The following ERC2 variants were observed in gnomAD, a reference collection of about 807,000 sequenced individuals.
ERC2 encodes ERC protein 2.
ERC2 carries 42 observed loss-of-function variants against 114.8 expected under a neutral mutation model. That is an observed-to-expected ratio of 0.37 (90% confidence interval 0.29 to 0.47). ERC2 has a LOEUF of 0.47. Ranked by LOEUF, ERC2 falls within the 20% of genes least tolerant of loss-of-function variation. The pLI, the probability that ERC2 is intolerant of heterozygous loss-of-function variation, is 0.99. For missense variants in ERC2, 939 were observed against 1,150.7 expected, an observed-to-expected ratio of 0.82 and a Z score of 2.66; for synonymous variants, 454 against 425.5, an observed-to-expected ratio of 1.07 and a Z score of -0.82.
At chr3:56,425,336 T>C (rs11712094) in intron 2 of ERC2, among the ~76,000 whole-genome samples, 40,027 of 151,958 alleles carry the variant, frequency 0.26, 5,943 homozygotes, top group Middle Eastern at 0.38. Flanking sequence ...GACCTTTCAA[T>C]TGTGACCCTA....
chr3:55,898,705 A>G (rs2063961268), intron 13 of ERC2, among the ~76,000 whole-genome samples: 1 of 152,140 alleles, frequency 6.6e-6, no homozygotes, highest in South Asian at 2.1e-4. Context: ...AGCAAGACAA[A>G]GGGTTGGATT....
intron 13 of ERC2, among the ~76,000 whole-genome samples, chr3:55,943,437 G>A (rs571636054): frequency 1.8e-4 from 27 of 151,950 alleles, no homozygotes; most frequent in African/African-American, 5.1e-4. Context: ...TTCTGGTTCC[G>A]AGTCTTTTGC....
chr3:55,657,593 C>T (rs1422702361), intron 17 of ERC2: 3 of 152,126 alleles, frequency 2.0e-5, no homozygotes, highest in Admixed American at 2.0e-4. Context: ...GTAGCTGGGA[C>T]TACAAGCACA....
chr3:56,090,962 A>G (rs955686448), intron 6 of ERC2, among the ~76,000 whole-genome samples: 2 of 152,158 alleles, frequency 1.3e-5, no homozygotes, highest in African/African-American at 4.8e-5. Context: ...TTTTAGGTCT[A>G]AGGCAGGATG....
intron 7 of ERC2, among the ~76,000 whole-genome samples, chr3:56,068,180 G>C (rs2076568554): frequency 6.6e-6 from 1 of 152,002 alleles, no homozygotes; most frequent in Admixed American, 6.6e-5. Flanking sequence ...GGCTTTTTTT[G>C]GTTGGCGGGC....
chr3:56,307,814 C>T (rs932156307), intron 2 of ERC2, among the ~76,000 whole-genome samples: 108 of 139,678 alleles, frequency 7.7e-4, no homozygotes, highest in Non-Finnish European at 1.3e-3. Flanking sequence ...CATGTATTCA[C>T]TATACACACA....
intron 13 of ERC2, among the ~76,000 whole-genome samples, chr3:55,915,145 C>G (rs571903748): frequency 7.2e-5 from 11 of 152,046 alleles, no homozygotes; most frequent in African/African-American, 2.7e-4. Context: ...TAGTAATTTC[C>G]ATATTTGTCT....
intron 17 of ERC2, among the ~76,000 whole-genome samples, chr3:55,523,892 G>A (rs946315316): frequency 6.6e-6 from 1 of 152,188 alleles, no homozygotes; most frequent in Non-Finnish European, 1.5e-5. Flanking sequence ...TAGATAATTT[G>A]TTGCTGCCAT....
At chr3:56,249,786 C>A (rs1243871280) in intron 3 of ERC2, among the ~76,000 whole-genome samples, 8 of 151,130 alleles carry the variant, frequency 5.3e-5, no homozygotes, top group Non-Finnish European at 1.2e-4. Flanking sequence ...TATGTATTAA[C>A]TAAGATTAGT....
intron 13 of ERC2, among the ~76,000 whole-genome samples, chr3:55,920,386 C>A (rs2065345807): frequency 6.9e-6 from 1 of 145,700 alleles, no homozygotes. Context: ...ATGAGAAGAT[C>A]TAGTTACACA....
chr3:56,462,489 A>G (rs2063356199), intron 1 of ERC2, among the ~76,000 whole-genome samples: 1 of 152,164 alleles, frequency 6.6e-6, no homozygotes, highest in African/African-American at 2.4e-5. Context: ...TATACTCACT[A>G]GCCCATGAAA....
chr3:56,250,061 T>C (rs2052037038), intron 3 of ERC2, among the ~76,000 whole-genome samples: 2 of 152,058 alleles, frequency 1.3e-5, no homozygotes, highest in Admixed American at 1.3e-4. Flanking sequence ...TTTCGCCATT[T>C]GGGCCAGGCT....
At chr3:56,225,864 G>A (rs1362204867) in intron 3 of ERC2, among the ~76,000 whole-genome samples, 3 of 152,110 alleles carry the variant, frequency 2.0e-5, no homozygotes, top group Admixed American at 2.0e-4. Context: ...CCAATGACCA[G>A]GCAGGCAAAC....
chr3:56,228,316 C>T (rs1306499704), intron 3 of ERC2, among the ~76,000 whole-genome samples: 1 of 152,256 alleles, frequency 6.6e-6, no homozygotes, highest in East Asian at 1.9e-4. Flanking sequence ...CGGAACTTCC[C>T]AAATTGAAAT....
At chr3:56,332,201 T>G (rs1470815500) in intron 2 of ERC2, among the ~76,000 whole-genome samples, 2 of 152,118 alleles carry the variant, frequency 1.3e-5, no homozygotes, top group African/African-American at 4.8e-5. Flanking sequence ...CACACACATA[T>G]GCACGCATGC....
At chr3:55,711,343 T>C (rs780877763) in intron 15 of ERC2, among the ~76,000 whole-genome samples, 23 of 152,224 alleles carry the variant, frequency 1.5e-4, no homozygotes, top group Non-Finnish European at 3.4e-4. Context: ...AAAAGTAATG[T>C]TCTCCCTCCC....
chr3:55,919,731 G>A (rs2065305977), intron 13 of ERC2, among the ~76,000 whole-genome samples: 1 of 152,126 alleles, frequency 6.6e-6, no homozygotes, highest in South Asian at 2.1e-4. Flanking sequence ...GCAATTTTAG[G>A]TGGGGTAGCC....
chr3:55,684,059 G>A (rs1362703195), intron 16 of ERC2, among the ~76,000 whole-genome samples, 200 bp from the exon 17 acceptor site: 2 of 152,086 alleles, frequency 1.3e-5, no homozygotes, highest in African/African-American at 2.4e-5. Flanking sequence ...ACCGGGTTTT[G>A]TATCTATGGC....
chr3:55,697,579 A>C (rs992216068), intron 16 of ERC2, among the ~76,000 whole-genome samples: 4 of 152,148 alleles, frequency 2.6e-5, no homozygotes, highest in African/African-American at 9.7e-5. Flanking sequence ...TGTAAGAAAT[A>C]CCATTCACAA....
Sources: allele counts gnomAD v4.1 joint callset (sites outside exome capture counted in the v4.1 genomes callset), GRCh38; gene constraint gnomAD v4.1.1; transcripts MANE v1.5; gene names NCBI Gene and HGNC (gene_info 2026-07-23, HGNC 2026-07-21).